The following NKAIN2 variants were observed in gnomAD, a reference collection of about 807,000 sequenced individuals.
NKAIN2 encodes the protein sodium/potassium-transporting ATPase subunit beta-1-interacting protein 2.
Under a neutral mutation model 32.6 loss-of-function variants are expected in NKAIN2, and 14 were observed. That is an observed-to-expected ratio of 0.43 (90% confidence interval 0.28 to 0.67). The LOEUF (loss-of-function observed/expected upper bound fraction) is 0.67, where lower values mean the gene tolerates loss of function less well. Among genes scored for constraint, NKAIN2 ranks in the 30% least tolerant of loss-of-function variants. The pLI, the probability that NKAIN2 is intolerant of heterozygous loss-of-function variation, is 0.17. For missense variants in NKAIN2, 198 were observed against 258.3 expected (o/e 0.77, Z 1.60); for synonymous variants, 80 against 87.2 (o/e 0.92, Z 0.46).
intron 1 of NKAIN2, among the ~76,000 whole-genome samples, chr6:124,104,296 T>C (rs1018877310): frequency 2.6e-5 from 4 of 152,154 alleles, no homozygotes; most frequent in Admixed American, 2.6e-4. Flanking sequence ...TGAACTCTGA[T>C]ATGGCCATGT....
At chr6:123,989,512 A>T (rs538319070) in intron 1 of NKAIN2, among the ~76,000 whole-genome samples, 4 of 152,324 alleles carry the variant, frequency 2.6e-5, no homozygotes, top group African/African-American at 9.6e-5. Flanking sequence ...TTTTAACAGC[A>T]AGTATTAGTC....
chr6:124,782,873 C>T lies in NKAIN2; in HGVS notation c.475-8466C>T, dbSNP rs546717879. ...CACATTACAAACATACAATCTTAAA[C>T]TTAGCTTTACCATTAAAATAGTATG... On this transcript the variant is annotated intron_variant, in intron 4 of 6. Coordinates refer to ENST00000368417, the MANE Select transcript of NKAIN2 (RefSeq NM_001040214.3). Among the ~76,000 whole-genome samples, 5 of 152,234 alleles carry T rather than the reference C, an allele frequency of 3.3e-5. No individual in the cohort carries two copies. In the East Asian group the frequency reaches 7.7e-4, roughly 24 times the overall value.
chr6:124,031,732 G>A (rs1781414363), intron 1 of NKAIN2, among the ~76,000 whole-genome samples: 1 of 152,046 alleles, frequency 6.6e-6, no homozygotes, highest in East Asian at 1.9e-4. Context: ...GAGTGAGTTT[G>A]TTAATCCTGA....
chr6:124,469,139 AT>A (rs1255139706), intron 3 of NKAIN2, among the ~76,000 whole-genome samples: 1 of 152,188 alleles, frequency 6.6e-6, no homozygotes, highest in Admixed American at 6.5e-5. Flanking sequence ...GGTGCTCTGA[AT>A]AACTTGATTG....
chr6:124,583,227 A>G (rs1261091491), intron 3 of NKAIN2, among the ~76,000 whole-genome samples: 1 of 18,998 alleles, frequency 5.3e-5, no homozygotes, highest in Non-Finnish European at 1.9e-4. Context: ...TAAAGACTCC[A>G]CCAAAAAAAA....
chr6:124,369,394 C>A (rs1434200038), intron 3 of NKAIN2, among the ~76,000 whole-genome samples: 1 of 152,050 alleles, frequency 6.6e-6, no homozygotes, highest in East Asian at 1.9e-4. Flanking sequence ...ATAATTGGTC[C>A]ACATAAGAAT....
intron 1 of NKAIN2, among the ~76,000 whole-genome samples, chr6:124,096,320 A>G (rs572552655): frequency 6.6e-6 from 1 of 152,232 alleles, no homozygotes; most frequent in Non-Finnish European, 1.5e-5. Flanking sequence ...GCCTACTTGA[A>G]AAAAATTATC....
chr6:124,470,481 G>A (rs1299696561), intron 3 of NKAIN2, among the ~76,000 whole-genome samples: 18 of 152,086 alleles, frequency 1.2e-4, no homozygotes, highest in Admixed American at 1.2e-3. Flanking sequence ...TGAGTGAGGT[G>A]TCAGGAATAA....
chr6:124,553,812 C>T (rs1363825641), intron 3 of NKAIN2, among the ~76,000 whole-genome samples: 1 of 152,198 alleles, frequency 6.6e-6, no homozygotes, highest in Non-Finnish European at 1.5e-5. Context: ...ATTCAGCAAA[C>T]ATTGTTTTCC....
chr6:124,400,322 G>A (rs561115633), intron 3 of NKAIN2, among the ~76,000 whole-genome samples: 1 of 152,234 alleles, frequency 6.6e-6, no homozygotes, highest in African/African-American at 2.4e-5. Flanking sequence ...AGAGAGATAA[G>A]TGTCAGCACT....
chr6:124,811,259 A>T (rs564729755), intron 5 of NKAIN2, among the ~76,000 whole-genome samples: 9 of 152,254 alleles, frequency 5.9e-5, no homozygotes, highest in African/African-American at 2.2e-4. Context: ...GCTTCCTATG[A>T]ACTGCCTGTT....
chr6:123,884,367 A>G (rs1773613404), intron 1 of NKAIN2, among the ~76,000 whole-genome samples: 1 of 152,170 alleles, frequency 6.6e-6, no homozygotes, highest in South Asian at 2.1e-4. Context: ...TAGCAGTGCA[A>G]GAACAGACTA....
chr6:124,552,987 A>G (rs1291810920), intron 3 of NKAIN2, among the ~76,000 whole-genome samples: 3 of 152,236 alleles, frequency 2.0e-5, no homozygotes, highest in Non-Finnish European at 4.4e-5. Flanking sequence ...TTTTAATCCA[A>G]TTTTTCCTGT....
At position 124,508,367 on chromosome 6, in the gene NKAIN2, T is replaced by C. The variant is rs901735872; in HGVS notation, c.274-149819T>C. 4.0e-5 allele frequency among the ~76,000 whole-genome samples: 6 copies of C among 151,886 alleles called. No individual in the cohort carries two copies. The South Asian group carries it at 1.0e-3, about 26-fold the overall frequency. On this transcript the variant is annotated intron_variant, in intron 3 of 6. Transcript: ENST00000368417. ...TTTTCTTTTCTTTTCTTTTTTGAGA[T>C]GGAGTCTCGCTCTGTCACCCAGGCT... is the stretch of plus-strand genomic sequence containing the variant.
chr6:124,482,390 A>G (rs658429), intron 3 of NKAIN2, among the ~76,000 whole-genome samples: 21,451 of 151,724 alleles, frequency 0.14, 1,858 homozygotes, highest in East Asian at 0.25. Context: ...GAGATCTACA[A>G]TGTTGGATTT....
chr6:123,813,213 T>C (rs2317928), intron 1 of NKAIN2, among the ~76,000 whole-genome samples: 25,046 of 152,206 alleles, frequency 0.16, 4,808 homozygotes, highest in African/African-American at 0.47. Context: ...TTCTGTGGTC[T>C]TGGCCTCTGG....
intron 3 of NKAIN2, among the ~76,000 whole-genome samples, chr6:124,362,823 GA>G (rs1429184876): frequency 1.3e-5 from 2 of 151,918 alleles, no homozygotes; most frequent in East Asian, 3.9e-4. Context: ...AATAAAAAAG[GA>G]AAAAGAATTT....
chr6:124,038,717 A>G (rs768414525), intron 1 of NKAIN2, among the ~76,000 whole-genome samples: 2 of 152,158 alleles, frequency 1.3e-5, no homozygotes, highest in African/African-American at 4.8e-5. Context: ...TCAAACAAGA[A>G]TAGATTCAAA....
intron 1 of NKAIN2, among the ~76,000 whole-genome samples, chr6:124,021,571 A>C (rs1428438294): frequency 1.3e-5 from 2 of 152,028 alleles, no homozygotes; most frequent in East Asian, 3.9e-4. Context: ...TGACTCAAAA[A>C]GAAGGCAACT....
Sources: allele counts gnomAD v4.1 joint callset (sites outside exome capture counted in the v4.1 genomes callset), GRCh38; gene constraint gnomAD v4.1.1; transcripts MANE v1.5; gene names NCBI Gene and HGNC (gene_info 2026-07-23, HGNC 2026-07-21).